GFY: variants seen among roughly 807,000 people sequenced by gnomAD.
GFY encodes golgi associated olfactory signaling regulator.
A neutral mutation model predicts 29.1 loss-of-function variants in GFY; 28 were observed. That is an observed-to-expected ratio of 0.96 (90% CI 0.71 to 1.32). The LOEUF (loss-of-function observed/expected upper bound fraction) is 1.32, where lower values mean the gene tolerates loss of function less well. GFY is among the 40% of genes most tolerant of loss of function. GFY has a pLI of 0.00. For missense variants in GFY, 656 were observed against 661.9 expected (o/e 0.99, Z 0.10); for synonymous variants, 277 against 274.5 (o/e 1.01, Z -0.09).
At chr19:49,426,179 TTAAC>T (rs1238688423) in intron 1 of GFY, among the ~76,000 whole-genome samples, 1 of 152,196 alleles carries the variant, frequency 6.6e-6, no homozygotes, top group Non-Finnish European at 1.5e-5. Context: ...GATAAGGAAA[TTAAC>T]TACGACTCCC....
In GFY at chr19:49,426,499, C is replaced by T. The variant is rs776661143; in HGVS notation, c.69C>T (p.Pro23=). 154 of 1,536,202 alleles carry T rather than the reference C, an allele frequency of 1.0e-4. No homozygotes were observed. In the African/African-American group the frequency reaches 1.5e-3, roughly 15 times the overall value. ...LLAGLRSKAA[P]SAPLPLGCGF... ...CCGGCCTGAGGTCCAAGGCCGCTCC[C>T]TCAGCCCCTCTGCCTTTGGGCTGTG... Residue 23 remains proline, a synonymous_variant, in exon 2 of 4, where the codon CCC becomes CCT. Transcript: ENST00000610896.
rs1160221257 is a variant in GFY at position 49,427,563 on chromosome 19, G to A, written c.1133G>A (p.Arg378Gln). Residue 378 changes from arginine (R) to glutamine (Q), a missense_variant, in exon 2 of 4, where the codon CGA becomes CAA. Coordinates refer to ENST00000610896, the MANE Select transcript of GFY (RefSeq NM_001195256.2). ...CTGCGGGCACCCCAGAGGCACAGCC[G>A]AGGTGAGGGAGTCAACACCATCATC... ...ATLRAPQRHS[R>Q]GEGVNTIIVV... 36 of 1,497,092 alleles carry A rather than the reference G, an allele frequency of 2.4e-5. No homozygotes were observed. Among genetic ancestry groups the A allele is most frequent in the Non-Finnish European group, 3.1e-5 (35 of 1,130,366 alleles). The allele number at this position is 1,497,092 out of a possible 1,614,324, so 92.7% of individuals were successfully genotyped here.
In GFY at chr19:49,427,134, C is replaced by G; in HGVS notation, c.704C>G (p.Pro235Arg). The G allele has an allele frequency of 1.3e-6, 2 of 1,535,954 alleles. No homozygotes were observed. The highest frequency in any genetic ancestry group is 1.2e-5 in the South Asian group (1 of 84,030). Residue 235 changes from proline to arginine, a missense_variant, in exon 2 of 4, where the codon CCT becomes CGT. Physicochemically the swap from Pro to Arg is moderately radical, Grantham distance 103 (BLOSUM62 -2). Transcript: ENST00000610896. ...PNSEFLQALH[P>R]DPSKTPHPES... Reference sequence around the variant, plus strand: ...TCTGAATTTCTCCAAGCTCTCCATCCTGACCCTTCTAAAACCCCCCACCCA... The same window carrying G: ...TCTGAATTTCTCCAAGCTCTCCATCGTGACCCTTCTAAAACCCCCCACCCA...
At chr19:49,424,238 G>T (rs1055768849), upstream of GFY, among the ~76,000 whole-genome samples, 4 of 151,948 alleles carry the variant, frequency 2.6e-5, no homozygotes, top group Non-Finnish European at 4.4e-5. Context: ...GACTCTTTTT[G>T]TGTGTGTGTG....
At position 49,428,066 on chromosome 19, in the gene GFY, C is replaced by T. The variant is rs746808045; in HGVS notation, c.1304C>T (p.Ala435Val). The T allele has an allele frequency of 1.0e-5, 16 of 1,535,480 alleles. No homozygotes were observed. The highest frequency in any genetic ancestry group is 2.4e-5 in the South Asian group (2 of 84,064). The change falls in exon 3 of 4, where the codon GCT (alanine) becomes GTT (valine). Residue 435 changes from alanine to valine, a missense_variant. Coordinates refer to ENST00000610896, the MANE Select transcript of GFY (RefSeq NM_001195256.2). ...CTGTGGTGTCTTTACCGCCGGGCAGCTAGACAGCGGCCCTTCGCACATCAC... is the reference window on the plus strand; with the variant it reads ...CTGTGGTGTCTTTACCGCCGGGCAGTTAGACAGCGGCCCTTCGCACATCAC... ...VLLWCLYRRAARQRPFAHHRL... is the reference protein window; with the variant it reads ...VLLWCLYRRAVRQRPFAHHRL...
chr19:49,428,132 C>T lies in GFY; in HGVS notation c.1357+13C>T, dbSNP rs1304776421. On this transcript the variant is annotated intron_variant, in intron 3 of 3. Transcript: ENST00000610896. The stretch of plus-strand genomic sequence containing the variant: ...GGAGATGAACCGGGTGAGCGCCCTG[C>T]CCCTTGAATGCCTGCACTTTTCCAT... 2 of 1,525,620 alleles carry T rather than the reference C, an allele frequency of 1.3e-6. No homozygotes were observed. The highest frequency in any genetic ancestry group is 1.2e-5 in the South Asian group (1 of 83,836). The allele number at this position is 1,525,620 out of a possible 1,614,324, so 94.5% of individuals were successfully genotyped here. A position where few individuals can be genotyped will look rare whatever the true frequency, so the allele number is the denominator to read the frequency against.
At chr19:49,428,486 A>G (rs1207581161) in intron 3 of GFY, 133 bp from the exon 4 acceptor site, 1 of 667,644 alleles carries the variant, frequency 1.5e-6, no homozygotes, top group Non-Finnish European at 2.3e-6. Context: ...TTGAAAACTC[A>G]GTTCAAATGC....
Position 49,428,104 on chromosome 19 carries a change from G to A in GFY, c.1342G>A (p.Asp448Asn), listed in dbSNP as rs1187942526. The part of the protein sequence containing the change: ...RPFAHHRLPD[D>N]GDEPVLHLDA... The stretch of plus-strand genomic sequence containing the variant: ...CTTCGCACATCACCGGCTTCCGGAC[G>A]ACGGAGATGAACCGGGTGAGCGCCC... Residue 448 changes from aspartate (D) to asparagine (N), a missense_variant, in exon 3 of 4, where the codon GAC (aspartate) becomes AAC (asparagine). By Grantham distance (23) the Asp-to-Asn change is conservative. Coordinates refer to ENST00000610896, the MANE Select transcript of GFY (RefSeq NM_001195256.2). The A allele has an allele frequency of 1.3e-6, 2 of 1,532,930 alleles. No individual in the cohort carries two copies. The highest frequency in any genetic ancestry group is 2.0e-5 in the Admixed American group (1 of 50,964). 95.0% of individuals were successfully genotyped at this position (1,532,930 alleles called of 1,614,324 possible). A position where few individuals can be genotyped will look rare whatever the true frequency, so the allele number is the denominator to read the frequency against.
chr19:49,424,183 A>G (rs1975049200), upstream of GFY, among the ~76,000 whole-genome samples: 1 of 151,872 alleles, frequency 6.6e-6, no homozygotes, highest in South Asian at 2.1e-4. Context: ...ATCTGGGAGG[A>G]GTTTGGGGGT....
In GFY at chr19:49,427,223, T is replaced by C. The variant is rs954707989; in HGVS notation, c.793T>C (p.Tyr265His). 1 of 1,535,420 alleles carries C rather than the reference T, an allele frequency of 6.5e-7. No homozygotes were observed. The highest frequency in any genetic ancestry group is 1.7e-4 in the Middle Eastern group (1 of 6,012). Residue 265 changes from tyrosine (Y) to histidine (H), a missense_variant, in exon 2 of 4, where the codon TAC becomes CAC. Transcript: ENST00000610896. ...EISQTEFPTT[Y>H]YQNATDVPRT... ...TTCCCAAACAGAATTCCCCACAACC[T>C]ACTACCAAAATGCAACAGATGTACC... is the stretch of plus-strand genomic sequence containing the variant.
At position 49,428,749 on chromosome 19, in the gene GFY, G is replaced by T. The variant is rs1274987606; in HGVS notation, c.1488G>T (p.Pro496=). ...TPPLPPKLPP[P]PRGGRPQRLE... ...CTCTGCCACCAAAGCTGCCCCCGCCGCCCCGCGGGGGTCGCCCGCAGCGTC... is the reference window on the plus strand; with the variant it reads ...CTCTGCCACCAAAGCTGCCCCCGCCTCCCCGCGGGGGTCGCCCGCAGCGTC... The change falls in exon 4 of 4, where the codon CCG becomes CCT. Residue 496 remains proline (P), a synonymous_variant. Transcript: ENST00000610896. The T allele has an allele frequency of 1.7e-5, 25 of 1,513,618 alleles. No individual in the cohort carries two copies. The highest frequency in any genetic ancestry group is 2.0e-5 in the Non-Finnish European group (23 of 1,136,080). 93.8% of individuals were successfully genotyped at this position (1,513,618 alleles called of 1,614,324 possible).
At chr19:49,425,950 T>C (rs1056423316) in intron 1 of GFY, among the ~76,000 whole-genome samples, 4 of 151,974 alleles carry the variant, frequency 2.6e-5, no homozygotes, top group Admixed American at 2.6e-4. Context: ...CCCAAATGTC[T>C]CCCTCCTCCC....
In GFY at chr19:49,427,150, C is replaced by A. The variant is rs975311971; in HGVS notation, c.720C>A (p.Thr240=). The A allele has an allele frequency of 2.6e-6, 4 of 1,535,930 alleles. No individual in the cohort carries two copies. Among genetic ancestry groups the A allele is most frequent in the Non-Finnish European group, 3.5e-6 (4 of 1,146,886 alleles). ...LQALHPDPSK[T]PHPESHVTHN... ...CTCTCCATCCTGACCCTTCTAAAAC[C>A]CCCCACCCAGAATCCCATGTGACCC... The change falls in exon 2 of 4, where the codon ACC becomes ACA. Residue 240 remains threonine (T), a synonymous_variant. Coordinates refer to ENST00000610896, the MANE Select transcript of GFY (RefSeq NM_001195256.2).
At position 49,426,472 on chromosome 19, in the gene GFY, C is replaced by T. The variant is rs770796714; in HGVS notation, c.42C>T (p.Leu14=). Residue 14 remains leucine, a synonymous_variant, in exon 2 of 4, where the codon CTC becomes CTT. Coordinates refer to ENST00000610896, the MANE Select transcript of GFY (RefSeq NM_001195256.2). ...FSRILFLVFL[L]AGLRSKAAPS... ...GGATCCTCTTCCTCGTCTTCCTCCT[C>T]GCCGGCCTGAGGTCCAAGGCCGCTC... 11 of 1,536,006 alleles carry T rather than the reference C, an allele frequency of 7.2e-6. No homozygotes were observed. Among genetic ancestry groups the T allele is most frequent in the East Asian group, 2.4e-5 (1 of 40,910 alleles).
Position 49,426,545 on chromosome 19 carries a change from C to G in GFY, c.115C>G (p.Pro39Ala), listed in dbSNP as rs1289763107. The G allele has an allele frequency of 6.5e-7, 1 of 1,536,164 alleles. No individual in the cohort carries two copies. The highest frequency in any genetic ancestry group is 1.2e-5 in the South Asian group (1 of 84,064). ...CTGTGGCTTTCCGGACATGGCCCAC[C>G]CCTCTGAGACTTCCCCTCTGAAGGG... ...LGCGFPDMAH[P>A]SETSPLKGAS... The change falls in exon 2 of 4, where the codon CCC (proline) becomes GCC (alanine). Residue 39 changes from proline to alanine, a missense_variant. Coordinates refer to ENST00000610896, the MANE Select transcript of GFY (RefSeq NM_001195256.2).
chr19:49,424,930 A>G (rs1975057820), upstream of GFY, among the ~76,000 whole-genome samples: 1 of 151,940 alleles, frequency 6.6e-6, no homozygotes, highest in African/African-American at 2.4e-5. Flanking sequence ...GAAACTTGGG[A>G]TGTGGGAACT....
chr19:49,427,216 C>T lies in GFY; in HGVS notation c.786C>T (p.Pro262=), dbSNP rs1238980530. The change falls in exon 2 of 4, where the codon CCC becomes CCT. Residue 262 remains proline, a synonymous_variant. Transcript: ENST00000610896. ...SPTEISQTEF[P]TTYYQNATDV... The stretch of plus-strand genomic sequence containing the variant: ...CCGAAATTTCCCAAACAGAATTCCC[C>T]ACAACCTACTACCAAAATGCAACAG... 7 of 1,535,970 alleles carry T rather than the reference C, an allele frequency of 4.6e-6. No homozygotes were observed. Among genetic ancestry groups the T allele is most frequent in the Non-Finnish European group, 5.2e-6 (6 of 1,146,908 alleles).
At chr19:49,424,900 G>A (rs773209495), upstream of GFY, among the ~76,000 whole-genome samples, 43 of 152,186 alleles carry the variant, frequency 2.8e-4, no homozygotes, top group Non-Finnish European at 5.3e-4. Context: ...GGCAAAACTT[G>A]GAAGTCCTAC....
rs1308739789 is a variant in GFY at position 49,427,988 on chromosome 19, C to T, written c.1226C>T (p.Ala409Val). ...CGACCACGTGGCGCAGCAGGCGGGG[C>T]CCTCTGCCTGTTCTTCGCGGGGACC... ...VGRPRGAAGGALCLFFAGTAL... is the reference protein window; with the variant it reads ...VGRPRGAAGGVLCLFFAGTAL... Residue 409 changes from alanine to valine, a missense_variant, in exon 3 of 4, where the codon GCC (alanine) becomes GTC (valine). Ala to Val is a moderately conservative substitution (Grantham distance 64). Transcript: ENST00000610896. 9.1e-6 allele frequency: 14 copies of T among 1,535,786 alleles called. No individual in the cohort carries two copies. In the Admixed American group the frequency reaches 2.7e-4, roughly 30 times the overall value.
Sources: allele counts gnomAD v4.1 joint callset (sites outside exome capture counted in the v4.1 genomes callset), GRCh38; gene constraint gnomAD v4.1.1; transcripts MANE v1.5; gene names NCBI Gene and HGNC (gene_info 2026-07-23, HGNC 2026-07-21).